Variants in ASTN1 observed in about 807,000 individuals in gnomAD.
ASTN1 encodes astrotactin 1.
Under a neutral mutation model 140.7 loss-of-function variants are expected in ASTN1, and 41 were observed. The ratio of observed to expected loss-of-function variants is 0.29; its 90% CI spans 0.23 to 0.38. ASTN1 has a LOEUF of 0.38. Ranked by LOEUF, ASTN1 falls within the 10% of genes least tolerant of loss-of-function variation. The probability of loss-of-function intolerance (pLI) is 1.00; values close to 1 mark genes in which losing one functional copy is unlikely to be tolerated. For missense variants in ASTN1, 1,479 were observed against 1,678.8 expected (o/e 0.88, Z 2.08); for synonymous variants, 640 against 652.2 (o/e 0.98, Z 0.29).
chr1:176,936,491 TTGA>T, intron 14 of ASTN1, 121 bp from the exon 15 acceptor site: 1 of 745,286 alleles, frequency 1.3e-6, no homozygotes, highest in South Asian at 1.8e-5. Context: ...TAAATGTTCT[TTGA>T]TGAAGAGAAT....
At chr1:177,030,695 G>T in intron 4 of ASTN1, 111 bp downstream of exon 4, 1 of 1,438,052 alleles carries the variant, frequency 7.0e-7, no homozygotes, top group Non-Finnish European at 9.5e-7. Context: ...GGCTGTGCCA[G>T]GGCATACCCT....
intron 2 of ASTN1, among the ~76,000 whole-genome samples, chr1:177,059,783 C>T (rs1050904358): frequency 3.9e-5 from 6 of 152,156 alleles, no homozygotes; most frequent in Non-Finnish European, 4.4e-5. Flanking sequence ...ATACACAAAA[C>T]TAAATAGCAT....
At chr1:176,939,611 G>A (rs890240415) in intron 14 of ASTN1, among the ~76,000 whole-genome samples, 2 of 151,320 alleles carry the variant, frequency 1.3e-5, no homozygotes, top group Non-Finnish European at 2.9e-5. Context: ...CCCTTGACAG[G>A]CAGTCAGGTT....
At chr1:176,913,291 A>G (rs983111076) in intron 16 of ASTN1, among the ~76,000 whole-genome samples, 2 of 152,166 alleles carry the variant, frequency 1.3e-5, no homozygotes, top group African/African-American at 4.8e-5. Flanking sequence ...TTCTCTAAAC[A>G]CAGCTAAAAT....
intron 11 of ASTN1, among the ~76,000 whole-genome samples, chr1:176,955,450 C>A (rs1399562300): frequency 6.6e-6 from 1 of 152,120 alleles, no homozygotes; most frequent in Non-Finnish European, 1.5e-5. Flanking sequence ...CTTCACCAGC[C>A]AATGAGAAAA....
At chr1:176,876,860 G>T (rs1668587754) in intron 20 of ASTN1, among the ~76,000 whole-genome samples, 1 of 152,156 alleles carries the variant, frequency 6.6e-6, no homozygotes, top group African/African-American at 2.4e-5. Flanking sequence ...TGCTGTCTTG[G>T]GTATATTTTT....
At chr1:176,957,345 T>C (rs1430874811) in intron 11 of ASTN1, among the ~76,000 whole-genome samples, 1 of 152,154 alleles carries the variant, frequency 6.6e-6, no homozygotes, top group East Asian at 1.9e-4. Flanking sequence ...ACTTACTTCT[T>C]TCATCACTCT....
chr1:176,868,223 C>T (rs1668199621), intron 22 of ASTN1, among the ~76,000 whole-genome samples: 1 of 152,162 alleles, frequency 6.6e-6, no homozygotes, highest in East Asian at 1.9e-4. Context: ...AGTGATACAT[C>T]TGCAGATTCT....
At chr1:176,928,454 G>T (rs1288977879) in intron 16 of ASTN1, among the ~76,000 whole-genome samples, 3 of 152,224 alleles carry the variant, frequency 2.0e-5, no homozygotes, top group Non-Finnish European at 4.4e-5. Context: ...TGACAATCCA[G>T]GGAAATGTGG....
At chr1:176,969,204 T>C (rs1673025612) in intron 8 of ASTN1, among the ~76,000 whole-genome samples, 1 of 152,306 alleles carries the variant, frequency 6.6e-6, no homozygotes. Flanking sequence ...CAGGTTTAAA[T>C]GGAAGTTGCC....
At chr1:177,136,389 G>C (rs1682202618) in intron 1 of ASTN1, among the ~76,000 whole-genome samples, 1 of 133,530 alleles carries the variant, frequency 7.5e-6, no homozygotes, top group South Asian at 2.4e-4. Flanking sequence ...GTCTCTCTCT[G>C]TCACCTAGAC....
At chr1:176,936,948 G>T (rs1196433939) in intron 14 of ASTN1, among the ~76,000 whole-genome samples, 2 of 152,184 alleles carry the variant, frequency 1.3e-5, no homozygotes, top group East Asian at 3.8e-4. Context: ...CTACTTTACA[G>T]GCAGGTTGTG....
In ASTN1 at chr1:176,862,958, A is replaced by T. The variant is rs910992552; in HGVS notation, c.*1326T>A. On this transcript the variant is annotated 3_prime_UTR_variant, in exon 23 of 23. Transcript: ENST00000361833. ...GCATGGTGGCTGAAGGTGTGTGTTC[A>T]GGCCACTGAGTTGTGTGGGACAGCT... The T allele has an allele frequency of 1.0e-6, 1 of 985,372 alleles. No homozygotes were observed. Among genetic ancestry groups the T allele is most frequent in the Non-Finnish European group, 1.2e-6 (1 of 829,964 alleles). 61.0% of individuals were successfully genotyped at this position (985,372 alleles called of 1,614,324 possible). A position where few individuals can be genotyped will look rare whatever the true frequency, so the allele number is the denominator to read the frequency against.
chr1:176,949,114 G>T, intron 12 of ASTN1, 71 bp downstream of exon 12: 3 of 1,583,176 alleles, frequency 1.9e-6, no homozygotes, highest in Non-Finnish European at 2.6e-6. Context: ...ACATTTCCTG[G>T]ATTTAGCATT....
chr1:176,919,008 G>A (rs982399739), intron 16 of ASTN1, among the ~76,000 whole-genome samples: 1 of 152,190 alleles, frequency 6.6e-6, no homozygotes, highest in Non-Finnish European at 1.5e-5. Context: ...ACTCAGCCAA[G>A]TTTTACTGAC....
intron 8 of ASTN1, among the ~76,000 whole-genome samples, chr1:176,974,663 G>C (rs1476890885): frequency 6.6e-6 from 1 of 152,158 alleles, no homozygotes; most frequent in Non-Finnish European, 1.5e-5. Context: ...GGGATTACAG[G>C]TGTGAGCCAC....
intron 14 of ASTN1, 89 bp downstream of exon 14, chr1:176,943,802 A>G (rs2103107329): frequency 1.4e-6 from 2 of 1,446,448 alleles, no homozygotes; most frequent in East Asian, 2.5e-5. Context: ...CTTAGAAACC[A>G]AAATAAGTGA....
At chr1:176,940,991 A>C (rs971751281) in intron 14 of ASTN1, among the ~76,000 whole-genome samples, 47 of 152,232 alleles carry the variant, frequency 3.1e-4, no homozygotes, top group Non-Finnish European at 3.8e-4. Context: ...GAACCTGTTT[A>C]TGAATGGAGC....
chr1:177,079,165 C>A (rs1558080013), intron 1 of ASTN1, among the ~76,000 whole-genome samples: 1 of 152,148 alleles, frequency 6.6e-6, no homozygotes, highest in Non-Finnish European at 1.5e-5. Context: ...GGAAATGAAA[C>A]CAGGACTAAA....
Sources: allele counts gnomAD v4.1 joint callset (sites outside exome capture counted in the v4.1 genomes callset), GRCh38; gene constraint gnomAD v4.1.1; transcripts MANE v1.5; gene names NCBI Gene and HGNC (gene_info 2026-07-23, HGNC 2026-07-21).